CADM1: variants seen among roughly 807,000 people sequenced by gnomAD.
The protein encoded by CADM1 is cell adhesion molecule 1.
Under a neutral mutation model 53.1 loss-of-function variants are expected in CADM1, and 15 were observed. That is an observed-to-expected ratio of 0.28 (90% CI 0.19 to 0.44). CADM1 has a LOEUF of 0.44. CADM1 is among the 20% of genes least tolerant of loss of function. The pLI, the probability that CADM1 is intolerant of heterozygous loss-of-function variation, is 1.00. For synonymous variants in CADM1, 281 were observed against 243.0 expected, an observed-to-expected ratio of 1.16 and a Z score of -1.45; for missense variants, 434 against 611.3, an observed-to-expected ratio of 0.71 and a Z score of 3.06.
At chr11:115,295,506 T>A (rs11215468) in intron 1 of CADM1, among the ~76,000 whole-genome samples, 15 of 55,028 alleles carry the variant, frequency 2.7e-4, no homozygotes, top group Non-Finnish European at 3.7e-4. Context: ...TCAAGATATT[T>A]TATATATATA....
intron 1 of CADM1, among the ~76,000 whole-genome samples, chr11:115,328,485 G>A (rs1945017986): frequency 6.6e-6 from 1 of 151,094 alleles, no homozygotes; most frequent in Admixed American, 6.6e-5. Context: ...TTTCTTTAGT[G>A]CCTACCATGC....
chr11:115,181,256 G>A (rs1939299844), intron 10 of CADM1, among the ~76,000 whole-genome samples: 2 of 152,098 alleles, frequency 1.3e-5, no homozygotes, highest in African/African-American at 4.8e-5. Context: ...CGAGGTATAT[G>A]TATCTGTGAG....
intron 1 of CADM1, among the ~76,000 whole-genome samples, chr11:115,408,846 G>A (rs572711709): frequency 4.8e-4 from 73 of 152,308 alleles, no homozygotes; most frequent in African/African-American, 1.7e-3. Flanking sequence ...ATTTTTGATA[G>A]TGTTCCAAAA....
intron 1 of CADM1, among the ~76,000 whole-genome samples, chr11:115,294,963 T>C (rs574661427): frequency 1.7e-4 from 26 of 152,206 alleles, no homozygotes; most frequent in Admixed American, 2.6e-4. Context: ...TGCTTGAACC[T>C]GGGAGGTGGA....
At chr11:115,383,951 T>A (rs1458531193) in intron 1 of CADM1, among the ~76,000 whole-genome samples, 1 of 150,862 alleles carries the variant, frequency 6.6e-6, no homozygotes, top group African/African-American at 2.4e-5. Context: ...TAAGAGCTCC[T>A]GGAAAAAAAA....
At chr11:115,429,970 C>A (rs747602115) in intron 1 of CADM1, among the ~76,000 whole-genome samples, 1 of 151,918 alleles carries the variant, frequency 6.6e-6, no homozygotes, top group Non-Finnish European at 1.5e-5. Flanking sequence ...ATTTATGTAT[C>A]AGCAAACTGG....
At chr11:115,293,218 G>T (rs74610459) in intron 1 of CADM1, among the ~76,000 whole-genome samples, 2 of 152,164 alleles carry the variant, frequency 1.3e-5, no homozygotes, top group African/African-American at 4.8e-5. Context: ...GGATCCCGGG[G>T]TCAGGAGATC....
At chr11:115,199,990 GAC>G (rs981208074) in intron 8 of CADM1, among the ~76,000 whole-genome samples, 4 of 152,134 alleles carry the variant, frequency 2.6e-5, no homozygotes, top group African/African-American at 7.2e-5. Context: ...GTATAAATGT[GAC>G]ACATGAATTC....
intron 1 of CADM1, among the ~76,000 whole-genome samples, chr11:115,472,422 C>G (rs1348613486): frequency 6.6e-6 from 1 of 152,064 alleles, no homozygotes; most frequent in East Asian, 1.9e-4. Flanking sequence ...ACTAAAGATG[C>G]CCCTCAAAAA....
intron 1 of CADM1, among the ~76,000 whole-genome samples, chr11:115,345,633 T>C (rs373999091): frequency 8.5e-5 from 13 of 152,336 alleles, no homozygotes; most frequent in African/African-American, 3.1e-4. Context: ...GTCTTTAATC[T>C]TTAGCTTTAC....
At chr11:115,461,469 A>G in intron 1 of CADM1, among the ~76,000 whole-genome samples, 1 of 152,198 alleles carries the variant, frequency 6.6e-6, no homozygotes. Context: ...CCATGAGGGA[A>G]TAAGAAACTG....
intron 1 of CADM1, among the ~76,000 whole-genome samples, chr11:115,406,925 G>T (rs762582615): frequency 6.6e-6 from 1 of 151,072 alleles, no homozygotes; most frequent in African/African-American, 2.4e-5. Flanking sequence ...ACTCCAGCCT[G>T]GGCAACAAGA....
intron 9 of CADM1, among the ~76,000 whole-genome samples, chr11:115,195,498 C>A (rs1253004150): frequency 1.3e-5 from 2 of 152,118 alleles, no homozygotes; most frequent in Non-Finnish European, 2.9e-5. Flanking sequence ...ATGCCCATAG[C>A]TGATTGACTT....
chr11:115,364,630 T>C (rs1374122405), intron 1 of CADM1, among the ~76,000 whole-genome samples: 1 of 152,168 alleles, frequency 6.6e-6, no homozygotes, highest in Non-Finnish European at 1.5e-5. Flanking sequence ...ACTTGTGACA[T>C]AGCATATTGG....
rs773187415 is a variant in CADM1 at position 115,229,159 on chromosome 11, A to G, written c.675T>C (p.Pro225=). The change falls in exon 5 of 12, where the codon CCT becomes CCC. Residue 225 remains proline, a synonymous_variant. Transcript: ENST00000331581. ...GVPVICQVEH[P]AVTGNLQTQR... ...GGGTCTGCAGGTTTCCAGTGACCGC[A>G]GGGTGCTCCACCTGGCAGATCACTG... 20 of 1,613,940 alleles carry G rather than the reference A, an allele frequency of 1.2e-5. 1 individual carries two copies. In the Admixed American group the frequency reaches 3.2e-4, roughly 26 times the overall value.
At chr11:115,472,007 G>C (rs1949023974) in intron 1 of CADM1, among the ~76,000 whole-genome samples, 1 of 152,126 alleles carries the variant, frequency 6.6e-6, no homozygotes, top group Non-Finnish European at 1.5e-5. Flanking sequence ...GAGGAGCTAG[G>C]TCCAAACCAA....
intron 1 of CADM1, among the ~76,000 whole-genome samples, chr11:115,480,909 T>G (rs1245227257): frequency 6.6e-6 from 1 of 152,114 alleles, no homozygotes; most frequent in East Asian, 1.9e-4. Context: ...AACAATGGTC[T>G]CTTGCCCCCA....
chr11:115,490,307 C>T (rs1424075015), intron 1 of CADM1, among the ~76,000 whole-genome samples: 1 of 151,688 alleles, frequency 6.6e-6, no homozygotes, highest in Non-Finnish European at 1.5e-5. Context: ...TGAGGACTCC[C>T]AGGTTTATTT....
chr11:115,176,207 TA>T lies in CADM1; in HGVS notation c.*266del. The stretch of plus-strand genomic sequence containing the variant: ...AGAATTTTCTGCAATCTACTGAAAC[TA>T]AATCCAAGTATCCAAGTTTGACTTG... On this transcript the variant is annotated 3_prime_UTR_variant, in exon 12 of 12. Transcript: ENST00000331581. 4 of 1,224,764 alleles carry T rather than the reference TA, an allele frequency of 3.3e-6. No individual in the cohort carries two copies. Among genetic ancestry groups the T allele is most frequent in the Non-Finnish European group, 4.1e-6 (4 of 967,902 alleles). 75.9% of individuals were successfully genotyped at this position (1,224,764 alleles called of 1,614,324 possible).
Sources: allele counts gnomAD v4.1 joint callset (sites outside exome capture counted in the v4.1 genomes callset), GRCh38; gene constraint gnomAD v4.1.1; transcripts MANE v1.5; gene names NCBI Gene and HGNC (gene_info 2026-07-23, HGNC 2026-07-21).